UNC80: variants seen among roughly 807,000 people sequenced by gnomAD.
UNC80 encodes the protein protein unc-80 homolog.
In UNC80, 164 loss-of-function variants were observed where a neutral mutation model predicts 384.6. The observed-to-expected ratio is 0.43, with a 90% CI of 0.38 to 0.49. UNC80 has a LOEUF of 0.49. Ranked by LOEUF, UNC80 falls within the 20% of genes least tolerant of loss-of-function variation. The pLI is 0.00. For synonymous variants in UNC80, 1,486 were observed against 1,527.8 expected, an observed-to-expected ratio of 0.97 and a Z score of 0.64; for missense variants, 3,330 against 4,143.0, an observed-to-expected ratio of 0.80 and a Z score of 5.39.
chr2:209,843,584 AAATG>A (rs199630347), intron 21 of UNC80, among the ~76,000 whole-genome samples: 2,359 of 152,174 alleles, frequency 0.016, 27 homozygotes, highest in Middle Eastern at 0.031. Context: ...ATAAATAAGC[AAATG>A]AATGAATGAA....
At chr2:209,817,174 A>G in intron 10 of UNC80, 49 bp downstream of exon 10, 1 of 1,502,392 alleles carries the variant, frequency 6.7e-7, no homozygotes. Flanking sequence ...TGACCTGTTT[A>G]GAACTGGATC....
In UNC80 at chr2:209,805,728, CTATAACCTAATCTTT is replaced by C. The variant is rs1451094223; in HGVS notation, c.939-7819_939-7805del. ...ACCTAATCTTCTATAACCTAATCTTCTATAACCTAATCTTTTATAACCTAATCTTTTATAACCTAA... is the reference window on the plus strand; with the variant it reads ...ACCTAATCTTCTATAACCTAATCTTCTATAACCTAATCTTTTATAACCTAA... On this transcript the variant is annotated intron_variant, in intron 7 of 64. Coordinates refer to ENST00000673920, the MANE Select transcript of UNC80 (RefSeq NM_001371986.1). Among the ~76,000 whole-genome samples, 122 of 151,960 alleles carry C rather than the reference CTATAACCTAATCTTT, an allele frequency of 8.0e-4. 1 individual carries two copies. Among genetic ancestry groups the C allele is most frequent in the African/African-American group, 2.2e-3 (91 of 41,392 alleles).
At chr2:209,931,872 A>G (rs1218920137) in intron 38 of UNC80, among the ~76,000 whole-genome samples, 1 of 152,222 alleles carries the variant, frequency 6.6e-6, no homozygotes, top group Non-Finnish European at 1.5e-5. Flanking sequence ...GACCGGTACC[A>G]AAACATAAAC....
At position 209,834,017 on chromosome 2, in the gene UNC80, A is replaced by G. The variant is rs1466879981; in HGVS notation, c.2791A>G (p.Ile931Val). 1 of 1,551,570 alleles carries G rather than the reference A, an allele frequency of 6.4e-7. No homozygotes were observed. The highest frequency in any genetic ancestry group is 8.7e-7 in the Non-Finnish European group (1 of 1,146,958). ...SPENLGLYCD[I>V]RQLVQFIKEA... is the part of the protein sequence containing the mutation. ...CTCCAAACAGGGACTGTATTGTGAC[A>G]TTCGTCAGCTGGTCCAGTTTATCAA... Residue 931 changes from isoleucine (I) to valine (V), a missense_variant, in exon 17 of 65, where the codon ATT becomes GTT. Physicochemically the swap from Ile to Val is conservative, Grantham distance 29. Around this residue, in one of 8 missense-constraint regions of UNC80, gnomAD observed 937 missense variants for 1,026.8 expected, o/e 0.91. Transcript: ENST00000673920.
At chr2:209,831,614 C>T (rs1559162336) in intron 16 of UNC80, 23 bp downstream of exon 16, 1 of 1,509,774 alleles carries the variant, frequency 6.6e-7, no homozygotes, top group East Asian at 2.5e-5. Flanking sequence ...CCTCTCTTCC[C>T]ACAGGAGCTC....
At chr2:209,772,195 G>T (rs2076611496) in intron 1 of UNC80, 31 bp downstream of exon 1, 2 of 1,480,642 alleles carry the variant, frequency 1.4e-6, no homozygotes, top group Non-Finnish European at 1.8e-6. Flanking sequence ...ACCGCGGGCC[G>T]CCCTGGGCTG....
chr2:209,847,350 A>T (rs563399966), intron 21 of UNC80, among the ~76,000 whole-genome samples: 1 of 115,220 alleles, frequency 8.7e-6, no homozygotes, highest in African/African-American at 3.3e-5. Context: ...TAAGTGCTCA[A>T]AAATAGTACC....
rs748751016 is a variant in UNC80 at position 209,918,639 on chromosome 2, G to C, written c.5319G>C (p.Gln1773His). 1.9e-6 allele frequency: 3 copies of C among 1,550,038 alleles called. No individual in the cohort carries two copies. Among genetic ancestry groups the C allele is most frequent in the Non-Finnish European group, 2.6e-6 (3 of 1,145,860 alleles). The change falls in exon 33 of 65, where the codon CAG becomes CAC. Residue 1773 changes from glutamine (Q) to histidine (H), a missense_variant. By Grantham distance (24) the Gln-to-His change is conservative (BLOSUM62 0). Around this residue, in one of 8 missense-constraint regions of UNC80, gnomAD observed 1,049 missense variants for 1,488.6 expected, o/e 0.70. Coordinates refer to ENST00000673920, the MANE Select transcript of UNC80 (RefSeq NM_001371986.1). ...TTCCTCAGTGCAGCGGGAGTGTCCA[G>C]GACCCCATTAATGAAGACCAGTCTG... is the stretch of plus-strand genomic sequence containing the variant. ...PWVPQCSGSV[Q>H]DPINEDQSKS... is the part of the protein sequence containing the mutation.
intron 63 of UNC80, 111 bp from the exon 64 acceptor site, chr2:209,993,954 G>T (rs573883345): frequency 6.8e-5 from 65 of 956,208 alleles, no homozygotes; most frequent in Non-Finnish European, 8.4e-5. Flanking sequence ...AACCAGCAAT[G>T]TTTTTATTTT....
intron 22 of UNC80, among the ~76,000 whole-genome samples, chr2:209,851,160 A>G (rs554399406): frequency 4.1e-4 from 61 of 149,762 alleles, no homozygotes; most frequent in African/African-American, 1.5e-3. Flanking sequence ...GGAAAAAGAA[A>G]TACCTATTAA....
At chr2:209,888,927 G>A (rs990381810) in intron 26 of UNC80, among the ~76,000 whole-genome samples, 5 of 152,136 alleles carry the variant, frequency 3.3e-5, no homozygotes, top group Non-Finnish European at 4.4e-5. Context: ...ATTACTTAAT[G>A]TGAAACTAAT....
At position 209,831,305 on chromosome 2, in the gene UNC80, C is replaced by A. The variant is rs2080948854; in HGVS notation, c.2627-138C>A. 5.8e-6 allele frequency: 5 copies of A among 861,914 alleles called. No homozygotes were observed. The South Asian group carries it at 9.4e-5, about 16-fold the overall frequency. 53.4% of individuals were successfully genotyped at this position (861,914 alleles called of 1,614,324 possible). ...CCACATCTGCCTAGAGATTATTAAACCTGGGGCATCTTTAATTCCTTGTTT... is the reference window on the plus strand; with the variant it reads ...CCACATCTGCCTAGAGATTATTAAAACTGGGGCATCTTTAATTCCTTGTTT... On this transcript the variant is annotated intron_variant, in intron 15 of 64. Transcript: ENST00000673920.
At chr2:209,985,382 A>G (rs2093265505) in intron 61 of UNC80, among the ~76,000 whole-genome samples, 3 of 152,232 alleles carry the variant, frequency 2.0e-5, no homozygotes, top group Admixed American at 2.0e-4. Flanking sequence ...TATAAAAAGA[A>G]TAGTAATGTG....
chr2:209,922,269 C>G lies in UNC80; in HGVS notation c.5548C>G (p.Leu1850Val). The G allele has an allele frequency of 6.4e-7, 1 of 1,552,206 alleles. No individual in the cohort carries two copies. Among genetic ancestry groups the G allele is most frequent in the South Asian group, 1.2e-5 (1 of 84,056 alleles). The change falls in exon 35 of 65, where the codon CTG becomes GTG. Residue 1850 changes from leucine to valine, a missense_variant. Leu to Val is a conservative substitution (Grantham distance 32, BLOSUM62 1). Coordinates refer to ENST00000673920, the MANE Select transcript of UNC80 (RefSeq NM_001371986.1). ...TTTGCCAGTAGAAGAAGTCACCAAT[C>G]TGGCATCCCGTCGACTGTCTGTGAG... ...PEEEVEEVTNLASRRLSVSPS... is the reference protein window; with the variant it reads ...PEEEVEEVTNVASRRLSVSPS...
intron 26 of UNC80, among the ~76,000 whole-genome samples, chr2:209,893,512 A>C (rs1295170662): frequency 3.9e-5 from 6 of 152,198 alleles, no homozygotes; most frequent in African/African-American, 1.4e-4. Flanking sequence ...AGACTGTTTT[A>C]AGTTTGGCTC....
At chr2:209,862,250 G>A (rs967713643) in intron 22 of UNC80, among the ~76,000 whole-genome samples, 1 of 151,954 alleles carries the variant, frequency 6.6e-6, no homozygotes, top group Non-Finnish European at 1.5e-5. Context: ...GTTCTCATTG[G>A]CTTCAAATAA....
chr2:209,936,118 A>G (rs962824861), intron 40 of UNC80, among the ~76,000 whole-genome samples: 3 of 152,178 alleles, frequency 2.0e-5, no homozygotes, highest in African/African-American at 7.2e-5. Context: ...ATCTTATTTC[A>G]GTAGAAAGGG....
Position 209,913,699 on chromosome 2 carries a change from C to T in UNC80, c.4891-103C>T, listed in dbSNP as rs1241392473. ...CATTTTAGAAAGCATTTTAAGGTCA[C>T]TTAAGGCAAGCAGAGAGAGGGGACG... On this transcript the variant is annotated intron_variant, in intron 30 of 64. Transcript: ENST00000673920. 7.1e-6 allele frequency: 9 copies of T among 1,264,288 alleles called. No individual in the cohort carries two copies. The African/African-American group carries it at 7.5e-5, about 11-fold the overall frequency. The allele number at this position is 1,264,288 out of a possible 1,614,324, so 78.3% of individuals were successfully genotyped here. A position where few individuals can be genotyped will look rare whatever the true frequency, so the allele number is the denominator to read the frequency against.
chr2:209,800,723 T>C (rs1223887560), intron 7 of UNC80, among the ~76,000 whole-genome samples: 1 of 152,182 alleles, frequency 6.6e-6, no homozygotes, highest in Non-Finnish European at 1.5e-5. Context: ...TAAACACTGC[T>C]TTAGCTGTGT....
Sources: allele counts gnomAD v4.1 joint callset (sites outside exome capture counted in the v4.1 genomes callset), GRCh38; gene constraint gnomAD v4.1.1; regional missense constraint gnomAD v4.1.1; transcripts MANE v1.5; gene names NCBI Gene and HGNC (gene_info 2026-07-23, HGNC 2026-07-21).